Variants in PDE4D observed in about 807,000 individuals in gnomAD.
The protein encoded by PDE4D is phosphodiesterase 4D.
PDE4D carries 24 observed loss-of-function variants against 87.4 expected under a neutral mutation model. That is an observed-to-expected ratio of 0.27 (90% CI 0.20 to 0.39). PDE4D has a LOEUF of 0.39. Among genes scored for constraint, PDE4D ranks in the 10% least tolerant of loss-of-function variants. PDE4D has a pLI of 1.00. For synonymous variants in PDE4D, 384 were observed against 383.2 expected, an observed-to-expected ratio of 1.00 and a Z score of -0.02; for missense variants, 714 against 1,041.0, an observed-to-expected ratio of 0.69 and a Z score of 4.32.
At chr5:59,135,325 T>G (rs1459614522) in intron 5 of PDE4D, among the ~76,000 whole-genome samples, 2 of 152,224 alleles carry the variant, frequency 1.3e-5, no homozygotes, top group Non-Finnish European at 2.9e-5. Flanking sequence ...TGGCAAGTAG[T>G]AGCAAAAGCT....
chr5:60,058,271 C>T (rs1771001541), intron 2 of PDE4D, among the ~76,000 whole-genome samples: 1 of 151,802 alleles, frequency 6.6e-6, no homozygotes, highest in African/African-American at 2.4e-5. Context: ...AACTTTGAGC[C>T]TTCTTGATTT....
At chr5:59,691,106 G>C (rs370667452) in intron 1 of PDE4D, among the ~76,000 whole-genome samples, 6 of 152,086 alleles carry the variant, frequency 3.9e-5, no homozygotes, top group South Asian at 2.1e-4. Context: ...AATAGGAACA[G>C]TTTTACACTG....
At chr5:59,896,565 A>T (rs1037692782), upstream of PDE4D, among the ~76,000 whole-genome samples, 4 of 152,212 alleles carry the variant, frequency 2.6e-5, no homozygotes, top group East Asian at 7.7e-4. Flanking sequence ...CCCTGCCTAG[A>T]CAAATAAAAT....
intron 1 of PDE4D, among the ~76,000 whole-genome samples, chr5:59,466,346 T>A (rs1340223740): frequency 6.6e-6 from 1 of 152,198 alleles, no homozygotes; most frequent in Non-Finnish European, 1.5e-5. Flanking sequence ...GATTTCCCCC[T>A]CCAAAAACCT....
At chr5:59,765,439 C>T (rs1043081769) in intron 1 of PDE4D, among the ~76,000 whole-genome samples, 1 of 152,174 alleles carries the variant, frequency 6.6e-6, no homozygotes, top group African/African-American at 2.4e-5. Context: ...CCTTAACATA[C>T]TATATAACCA....
chr5:59,465,927 A>G (rs1801521276), intron 1 of PDE4D, among the ~76,000 whole-genome samples: 1 of 152,086 alleles, frequency 6.6e-6, no homozygotes, highest in South Asian at 2.1e-4. Context: ...ACCCAAAGAC[A>G]CGTTTGGTAC....
At chr5:59,590,629 T>C (rs1825795594) in intron 1 of PDE4D, among the ~76,000 whole-genome samples, 1 of 152,200 alleles carries the variant, frequency 6.6e-6, no homozygotes. Flanking sequence ...CAAATTGGCA[T>C]AACCTCAGTG....
intron 1 of PDE4D, among the ~76,000 whole-genome samples, chr5:59,741,704 C>T (rs185479471): frequency 6.6e-6 from 1 of 152,218 alleles, no homozygotes; most frequent in Admixed American, 6.5e-5. Context: ...TATCTAGGTT[C>T]TTCTCTTTTA....
At chr5:59,893,061 T>G in intron 1 of PDE4D, 107 bp downstream of exon 1, 1 of 1,162,176 alleles carries the variant, frequency 8.6e-7, no homozygotes, top group Non-Finnish European at 1.2e-6. Context: ...GACTAGCATT[T>G]TACCCTGGGT....
intron 1 of PDE4D, among the ~76,000 whole-genome samples, chr5:60,468,137 C>CTTTT (rs570783072): frequency 2.8e-5 from 4 of 141,216 alleles, no homozygotes; most frequent in East Asian, 2.1e-4. Context: ...TTTCTTTTTT[C>CTTTT]TTTTTTTTTT....
intron 1 of PDE4D, among the ~76,000 whole-genome samples, chr5:59,778,185 T>G (rs1001811584): frequency 6.6e-6 from 1 of 152,198 alleles, no homozygotes; most frequent in Non-Finnish European, 1.5e-5. Context: ...GGACTTTCAG[T>G]CTAGTCTACT....
At chr5:59,856,999 A>G (rs1378339686) in intron 1 of PDE4D, among the ~76,000 whole-genome samples, 1 of 152,144 alleles carries the variant, frequency 6.6e-6, no homozygotes, top group African/African-American at 2.4e-5. Context: ...AACTAACTTC[A>G]GCATTGATTA....
At chr5:59,261,079 A>T (rs1397907841) in intron 1 of PDE4D, among the ~76,000 whole-genome samples, 1 of 151,926 alleles carries the variant, frequency 6.6e-6, no homozygotes, top group African/African-American at 2.4e-5. Context: ...GCAGTCATAG[A>T]ATAATGTGGT....
intron 1 of PDE4D, among the ~76,000 whole-genome samples, chr5:60,286,680 G>A (rs1043559250): frequency 9.9e-5 from 15 of 152,090 alleles, no homozygotes; most frequent in African/African-American, 3.6e-4. Context: ...CTAGAAAATC[G>A]TTTAAAAGGT....
At chr5:59,030,846 A>G (rs1170127316) in intron 6 of PDE4D, among the ~76,000 whole-genome samples, 4 of 152,082 alleles carry the variant, frequency 2.6e-5, no homozygotes, top group African/African-American at 7.2e-5. Flanking sequence ...TTTCTCTTCA[A>G]CTTTTAAGTT....
chr5:59,359,288 T>C (rs1164266195), intron 1 of PDE4D, among the ~76,000 whole-genome samples: 4 of 152,196 alleles, frequency 2.6e-5, no homozygotes, highest in African/African-American at 7.2e-5. Context: ...ACTGTAAATG[T>C]GAAATTATGA....
chr5:59,096,052 A>C (rs952581742), intron 5 of PDE4D, among the ~76,000 whole-genome samples: 1 of 152,176 alleles, frequency 6.6e-6, no homozygotes, highest in African/African-American at 2.4e-5. Flanking sequence ...GGGAGCATCT[A>C]GCTTTTTTCT....
chr5:60,502,364 C>A (rs898913100), intron 1 of PDE4D, among the ~76,000 whole-genome samples: 2 of 150,814 alleles, frequency 1.3e-5, no homozygotes, highest in African/African-American at 4.9e-5. Flanking sequence ...TGATCTATAT[C>A]TCTGTTTTGG....
chr5:60,439,787 C>A (rs375837188), intron 1 of PDE4D, among the ~76,000 whole-genome samples: 1 of 152,030 alleles, frequency 6.6e-6, no homozygotes, highest in East Asian at 1.9e-4. Context: ...ACAAGAGTGC[C>A]CAACTGTTTT....
Sources: gnomAD v4.1 joint callset for allele counts (sites outside exome capture counted in the v4.1 genomes callset) on GRCh38, gnomAD v4.1.1 for gene constraint, MANE v1.5 for transcripts, NCBI Gene and HGNC (gene_info 2026-07-23, HGNC 2026-07-21) for gene names.